PRH1: variants seen among roughly 807,000 people sequenced by gnomAD.
PRH1 encodes proline rich protein HaeIII subfamily 1.
PRH1 carries 7 observed loss-of-function variants against 7.9 expected under a neutral mutation model. That is an observed-to-expected ratio of 0.89 (90% CI 0.50 to 1.67). PRH1 has a LOEUF of 1.67. Ranked by LOEUF, PRH1 falls within the 40% of genes most tolerant of loss-of-function variation. The probability of loss-of-function intolerance (pLI) is 0.00; values close to 1 mark genes in which losing one functional copy is unlikely to be tolerated. For missense variants in PRH1, 109 were observed against 223.6 expected, an observed-to-expected ratio of 0.49 and a Z score of 3.27; for synonymous variants, 45 against 80.8, an observed-to-expected ratio of 0.56 and a Z score of 2.38.
chr12:10,882,243 G>A lies in PRH1; in HGVS notation c.556C>T (p.Pro186Ser). 6.2e-7 allele frequency: 1 copy of A among 1,613,686 alleles called. No homozygotes were observed. The change falls in exon 3 of 4, where the codon CCT (proline) becomes TCT (serine). Residue 186 changes from proline (P) to serine (S), a missense_variant. Coordinates refer to ENST00000543626, the MANE Select transcript of PRH1 (RefSeq NM_001393989.1). ...RPQGPPQGQS[P>S]Q ...TGTCATTGAATCCTAGATTACTGAG[G>A]AGACTGCCCCTGTGGAGGTCCTTGT...
chr12:11,013,335 T>C (rs1182188310), intron 1 of PRH1, among the ~76,000 whole-genome samples: 2 of 152,120 alleles, frequency 1.3e-5, no homozygotes, highest in Non-Finnish European at 2.9e-5. Flanking sequence ...ATGGTACCAC[T>C]GCAGTTCAAT....
downstream of PRH1, chr12:11,120,700 A>G (rs1945873680): frequency 6.6e-6 from 1 of 151,574 alleles, no homozygotes; most frequent in Admixed American, 6.6e-5. Flanking sequence ...TATCTGTGGG[A>G]GGTTTGGTCC....
intron 1 of PRH1, among the ~76,000 whole-genome samples, chr12:11,135,473 A>G (rs1424298278): frequency 9.0e-6 from 1 of 110,888 alleles, no homozygotes; most frequent in Non-Finnish European, 2.1e-5. Flanking sequence ...AAGATGCAGA[A>G]TTTGGCCCAT....
chr12:10,960,487 G>A (rs1938187629), intron 2 of PRH1, among the ~76,000 whole-genome samples: 1 of 152,174 alleles, frequency 6.6e-6, no homozygotes, highest in African/African-American at 2.4e-5. Flanking sequence ...CTGGTACTTT[G>A]TATGTGGCTT....
At chr12:10,952,495 G>C (rs1937735008) in intron 2 of PRH1, among the ~76,000 whole-genome samples, 1 of 152,118 alleles carries the variant, frequency 6.6e-6, no homozygotes, top group Admixed American at 6.5e-5. Context: ...TAAATACAAA[G>C]TTGGAGGATT....
At chr12:11,114,782 G>C (rs1319755199) in intron 1 of PRH1, among the ~76,000 whole-genome samples, 1 of 152,094 alleles carries the variant, frequency 6.6e-6, no homozygotes, top group African/African-American at 2.4e-5. Flanking sequence ...TTTTGTTTTT[G>C]TGCTTGTTTG....
At chr12:11,007,191 T>C (rs1355049523) in intron 1 of PRH1, among the ~76,000 whole-genome samples, 1 of 152,112 alleles carries the variant, frequency 6.6e-6, no homozygotes, top group Non-Finnish European at 1.5e-5. Context: ...TTTATCAAAA[T>C]CATCCAAGGT....
At chr12:11,118,712 T>C (rs556394972), downstream of PRH1, among the ~76,000 whole-genome samples, 2 of 152,002 alleles carry the variant, frequency 1.3e-5, no homozygotes, top group Admixed American at 1.3e-4. Context: ...GAAGGTGGTA[T>C]GGCCGGGGGC....
At chr12:10,944,912 T>C (rs966519592) in intron 2 of PRH1, among the ~76,000 whole-genome samples, 13 of 152,310 alleles carry the variant, frequency 8.5e-5, no homozygotes, top group Admixed American at 8.5e-4. Flanking sequence ...TGAGGCCTAT[T>C]TGATCATGGT....
chr12:11,038,722 G>T (rs1237190230), intron 1 of PRH1, among the ~76,000 whole-genome samples: 3 of 148,026 alleles, frequency 2.0e-5, no homozygotes, highest in East Asian at 2.1e-4. Flanking sequence ...CTCAACTTTA[G>T]CTATTGAAAC....
rs1441936575 is a variant in PRH1 at position 11,076,284 on chromosome 12, AAAACAT to A, written n.124-29102_124-29097del. ...ATTTCACCATTTACACCATTATAAT[AAAACAT>A]ATCATTAATACATTTCCTATCATCA... On this transcript the variant is annotated intron_variant and non_coding_transcript_variant, in intron 1 of 4. Coordinates refer to the PRH1 transcript ENST00000541977. Among the ~76,000 whole-genome samples the A allele has an allele frequency of 4.5e-3, 498 of 110,902 alleles. 5 individuals carry two copies. Among genetic ancestry groups the A allele is most frequent in the African/African-American group, 0.014 (483 of 33,762 alleles). The allele number at this position is 110,902 out of a possible 152,430, so 72.8% of individuals were successfully genotyped here.
chr12:11,015,256 A>C (rs1387185706), intron 1 of PRH1, among the ~76,000 whole-genome samples: 1 of 152,276 alleles, frequency 6.6e-6, no homozygotes, highest in Non-Finnish European at 1.5e-5. Flanking sequence ...ACAAGACCCT[A>C]AGGGAAGAAT....
rs575168568 is a variant in PRH1, at chr12:10,910,395, G to A, written c.-58-26120C>T. Among the ~76,000 whole-genome samples, 6 of 152,272 alleles carry A rather than the reference G, an allele frequency of 3.9e-5. No individual in the cohort carries two copies. In the East Asian group the frequency reaches 9.6e-4, roughly 24 times the overall value. ...CTAGCAATTTGGGAGATTGAGGCGG[G>A]AGGACCGCTCGAGCCCAAAAGTTTG... is the stretch of plus-strand genomic sequence containing the variant. On this transcript the variant is annotated intron_variant, in intron 2 of 3. Transcript: ENST00000539853.
At chr12:10,887,672 G>A (rs1202924349), upstream of PRH1, among the ~76,000 whole-genome samples, 2 of 149,858 alleles carry the variant, frequency 1.3e-5, no homozygotes, top group South Asian at 4.2e-4. Context: ...CAGGTCCCTC[G>A]CCACCATGAC....
chr12:10,997,498 C>T (rs1421311345), intron 1 of PRH1: 1 of 1,613,860 alleles, frequency 6.2e-7, no homozygotes, highest in South Asian at 1.1e-5. Flanking sequence ...GAACTACACT[C>T]TTAGCCTTCC....
chr12:10,939,612 A>AT (rs1287038209), intron 2 of PRH1, among the ~76,000 whole-genome samples: 21 of 135,702 alleles, frequency 1.5e-4, no homozygotes, highest in African/African-American at 5.7e-4. Context: ...AGTTCTGGGG[A>AT]AGTATCATTA....
At chr12:11,053,310 G>A (rs1025679442) in intron 1 of PRH1, among the ~76,000 whole-genome samples, 1 of 152,150 alleles carries the variant, frequency 6.6e-6, no homozygotes, top group Non-Finnish European at 1.5e-5. Context: ...ACAAGATGTG[G>A]GGGAGAGCTT....
chr12:11,065,326 T>C (rs963686624), intron 1 of PRH1, among the ~76,000 whole-genome samples: 1 of 152,126 alleles, frequency 6.6e-6, no homozygotes, highest in Non-Finnish European at 1.5e-5. Flanking sequence ...TGAAGTTTGA[T>C]GGTTTCTAAA....
chr12:11,102,656 C>T (rs1340622600), intron 1 of PRH1, among the ~76,000 whole-genome samples: 1 of 152,074 alleles, frequency 6.6e-6, no homozygotes, highest in Non-Finnish European at 1.5e-5. Flanking sequence ...GCTAAAACAC[C>T]AAAAGCAATG....
Sources: allele counts gnomAD v4.1 joint callset (sites outside exome capture counted in the v4.1 genomes callset), GRCh38; gene constraint gnomAD v4.1.1; transcripts MANE v1.5; gene names NCBI Gene and HGNC (gene_info 2026-07-23, HGNC 2026-07-21).